The following ZNF106 variants were observed in gnomAD, a reference collection of about 807,000 sequenced individuals.
The protein encoded by ZNF106 is SH3-domain binding protein 3.
ZNF106 carries 67 observed loss-of-function variants against 195.1 expected under a neutral mutation model. The ratio of observed to expected loss-of-function variants is 0.34; its 90% CI spans 0.28 to 0.42. The LOEUF is 0.42. Among genes scored for constraint, ZNF106 ranks in the 10% least tolerant of loss-of-function variants. The probability of loss-of-function intolerance (pLI) is 1.00; values close to 1 mark genes in which losing one functional copy is unlikely to be tolerated. For synonymous variants in ZNF106, 784 were observed against 818.6 expected (o/e 0.96, Z 0.72); for missense variants, 2,118 against 2,304.5 (o/e 0.92, Z 1.66).
intron 10 of ZNF106, among the ~76,000 whole-genome samples, chr15:42,440,582 G>A (rs1333600702): frequency 7.2e-5 from 11 of 151,984 alleles, no homozygotes; most frequent in Non-Finnish European, 1.0e-4. Flanking sequence ...ATTTAAGAAA[G>A]ATTGAAATAA....
At chr15:42,471,105 A>T (rs145944207) in intron 2 of ZNF106, among the ~76,000 whole-genome samples, 1 of 152,318 alleles carries the variant, frequency 6.6e-6, no homozygotes, top group African/African-American at 2.4e-5. Context: ...TAATCAGATG[A>T]GCCTTCTTGC....
chr15:42,452,735 G>A lies in ZNF106; in HGVS notation c.318-781C>T, dbSNP rs149118185. On this transcript the variant is annotated intron_variant, in intron 4 of 21. Coordinates refer to ENST00000564754, the MANE Select transcript of ZNF106 (RefSeq NM_001366845.3). ...GAGTCTTGCACTGTTGGCCAGGGTG[G>A]AGTGCAGTGGCACAATCTCAGGTCA... Among the ~76,000 whole-genome samples, 1,116 of 145,350 alleles carry A rather than the reference G, an allele frequency of 7.7e-3. 14 individuals carry two copies. Among genetic ancestry groups the A allele is most frequent in the African/African-American group, 0.028 (1,071 of 38,916 alleles).
Position 42,448,715 on chromosome 15 carries a change from G to A in ZNF106, c.2502-10C>T, listed in dbSNP as rs1383914164. ...CATTTCTATGCCAAACCTTAAGGAA[G>A]AAAGAAAAAATGAAAACATAAATTG... On this transcript the variant is annotated splice_polypyrimidine_tract_variant and intron_variant, in intron 5 of 21. Coordinates refer to ENST00000564754, the MANE Select transcript of ZNF106 (RefSeq NM_001366845.3). The A allele has an allele frequency of 4.5e-6, 7 of 1,567,870 alleles. No homozygotes were observed. In the Admixed American group the frequency reaches 7.8e-5, roughly 18 times the overall value.
rs1356907907 is a variant in ZNF106, at chr15:42,422,467, A to T, written c.5373+34T>A. ...AAACCCAAATAGACAATCTCCCCAAATCATTCAAGCAAAATACTGAATCTA... is the reference window on the plus strand; with the variant it reads ...AAACCCAAATAGACAATCTCCCCAATTCATTCAAGCAAAATACTGAATCTA... On this transcript the variant is annotated intron_variant, in intron 18 of 21. Coordinates refer to ENST00000564754, the MANE Select transcript of ZNF106 (RefSeq NM_001366845.3). 2.5e-6 allele frequency: 4 copies of T among 1,605,610 alleles called. No individual in the cohort carries two copies. In the African/African-American group the frequency reaches 5.4e-5, roughly 21 times the overall value.
In ZNF106 at chr15:42,416,065, G is replaced by T. The variant is rs2054450080; in HGVS notation, c.*1239C>A. On this transcript the variant is annotated 3_prime_UTR_variant, in exon 22 of 22. Transcript: ENST00000564754. The stretch of plus-strand genomic sequence containing the variant: ...AGTTTTGAGGATCCAGAAACAAAAG[G>T]CTGGAAAGCGACACTTCTACAGGTT... 6.6e-6 allele frequency: 1 copy of T among 152,502 alleles called. No individual in the cohort carries two copies. The highest frequency in any genetic ancestry group is 6.5e-5 in the Admixed American group (1 of 15,288). The allele number at this position is 152,502 out of a possible 1,614,324, so 9.4% of individuals were successfully genotyped here.
chr15:42,485,850 A>G (rs987686363), intron 1 of ZNF106, among the ~76,000 whole-genome samples: 5 of 151,998 alleles, frequency 3.3e-5, no homozygotes, highest in African/African-American at 1.2e-4. Context: ...GCTCCTTAAA[A>G]TTTTCACTTT....
intron 3 of ZNF106, among the ~76,000 whole-genome samples, chr15:42,459,475 CAAAAA>C (rs934840873): frequency 5.3e-5 from 8 of 151,814 alleles, no homozygotes; most frequent in Non-Finnish European, 8.8e-5. Context: ...GACTCCGTCT[CAAAAA>C]GAAAAGAAAA....
intron 20 of ZNF106, 44 bp downstream of exon 20, chr15:42,421,017 G>C: frequency 1.3e-6 from 2 of 1,569,484 alleles, no homozygotes; most frequent in Non-Finnish European, 1.8e-6. Flanking sequence ...CTAGGGTGAA[G>C]CAACCTATAG....
intron 20 of ZNF106, 137 bp from the exon 21 acceptor site, chr15:42,418,088 A>G: frequency 1.0e-6 from 1 of 971,982 alleles, no homozygotes; most frequent in Non-Finnish European, 1.4e-6. Context: ...CTTGGCTAGA[A>G]AAGACAACAA....
intron 4 of ZNF106, among the ~76,000 whole-genome samples, 175 bp downstream of exon 4, chr15:42,456,783 T>A (rs777624924): frequency 2.0e-5 from 3 of 152,194 alleles, no homozygotes; most frequent in African/African-American, 4.8e-5. Context: ...TTTAAGAAGA[T>A]ATTACAGTAG....
Position 42,415,339 on chromosome 15 carries a change from C to T in ZNF106, c.*1965G>A, listed in dbSNP as rs1008873218. On this transcript the variant is annotated 3_prime_UTR_variant, in exon 22 of 22. Transcript: ENST00000564754. Reference sequence around the variant, plus strand: ...GTTTCACTATGTTGGCCAGGCTGGTCTCAAATGCCTGACCTTGAGTGATCC... The same window carrying T: ...GTTTCACTATGTTGGCCAGGCTGGTTTCAAATGCCTGACCTTGAGTGATCC... 9.4e-6 allele frequency: 4 copies of T among 424,504 alleles called. No homozygotes were observed. Among genetic ancestry groups the T allele is most frequent in the African/African-American group, 4.1e-5 (2 of 48,660 alleles). The allele number at this position is 424,504 out of a possible 1,614,324, so 26.3% of individuals were successfully genotyped here. A position where few individuals can be genotyped will look rare whatever the true frequency, so the allele number is the denominator to read the frequency against.
At position 42,419,657 on chromosome 15, in the gene ZNF106, TA is replaced by T. The variant is rs200630390; in HGVS notation, c.5517+1403del. Among the ~76,000 whole-genome samples, 1,253 of 152,108 alleles carry T rather than the reference TA, an allele frequency of 8.2e-3. 17 individuals carry two copies. Among genetic ancestry groups the T allele is most frequent in the African/African-American group, 0.029 (1,204 of 41,514 alleles). On this transcript the variant is annotated intron_variant, in intron 20 of 21. Transcript: ENST00000564754. ...CTAATTCGAACACATGTTTATTTCT[TA>T]AAAGTAATGCAGGCCGGGCACTGTG...
intron 10 of ZNF106, among the ~76,000 whole-genome samples, chr15:42,440,169 A>C (rs139278741): frequency 4.2e-4 from 64 of 152,232 alleles, no homozygotes; most frequent in African/African-American, 1.5e-3. Context: ...TTTTACTTTT[A>C]TTTCTTTGAA....
intron 2 of ZNF106, among the ~76,000 whole-genome samples, chr15:42,471,715 A>C (rs1276712187): frequency 6.6e-6 from 1 of 152,210 alleles, no homozygotes; most frequent in Non-Finnish European, 1.5e-5. Context: ...TAGGCAACAC[A>C]GTTAAGTCTC....
intron 14 of ZNF106, among the ~76,000 whole-genome samples, chr15:42,434,722 T>G (rs1274088227): frequency 3.3e-5 from 5 of 152,144 alleles, no homozygotes; most frequent in African/African-American, 1.2e-4. Context: ...TCAGAGGAGA[T>G]GTCCATTTCT....
intron 1 of ZNF106, among the ~76,000 whole-genome samples, chr15:42,475,761 T>C (rs1049695577): frequency 6.6e-6 from 1 of 152,152 alleles, no homozygotes; most frequent in Non-Finnish European, 1.5e-5. Context: ...ATTCTAAGGG[T>C]TGGAGAAATT....
At chr15:42,418,001 G>A (rs192910678) in intron 20 of ZNF106, 50 bp from the exon 21 acceptor site, 29 of 1,588,418 alleles carry the variant, frequency 1.8e-5, no homozygotes, top group African/African-American at 1.4e-4. Context: ...TGCAGTGAAC[G>A]TGAATCAGAA....
At chr15:42,472,679 G>A (rs781134074) in intron 1 of ZNF106, among the ~76,000 whole-genome samples, 3 of 152,150 alleles carry the variant, frequency 2.0e-5, no homozygotes, top group Non-Finnish European at 4.4e-5. Context: ...AGTGTTTTGA[G>A]AGTAGCCAAA....
intron 2 of ZNF106, among the ~76,000 whole-genome samples, chr15:42,469,148 G>A (rs1453787995): frequency 1.3e-5 from 2 of 152,052 alleles, no homozygotes; most frequent in African/African-American, 2.4e-5. Context: ...TCACACCATT[G>A]CACTCCAGCC....
Sources: allele counts gnomAD v4.1 joint callset (sites outside exome capture counted in the v4.1 genomes callset), GRCh38; gene constraint gnomAD v4.1.1; transcripts MANE v1.5; gene names NCBI Gene and HGNC (gene_info 2026-07-23, HGNC 2026-07-21).